ITPK1: variants seen among roughly 807,000 people sequenced by gnomAD.
ITPK1 encodes inositol-tetrakisphosphate 1-kinase, also known as inositol 1,3,4-trisphosphate 5/6-kinase.
In ITPK1, 21 loss-of-function variants were observed where a neutral mutation model predicts 45.3. The observed-to-expected ratio is 0.46, with a 90% CI of 0.33 to 0.67. ITPK1 has a LOEUF of 0.67. Among genes scored for constraint, ITPK1 ranks in the 30% least tolerant of loss-of-function variants. The probability of loss-of-function intolerance (pLI) is 0.02; values close to 1 mark genes in which losing one functional copy is unlikely to be tolerated. For missense variants in ITPK1, 474 were observed against 573.5 expected, an observed-to-expected ratio of 0.83 and a Z score of 1.77; for synonymous variants, 258 against 253.6, an observed-to-expected ratio of 1.02 and a Z score of -0.16.
chr14:93,113,023 G>A (rs971821517), intron 2 of ITPK1, among the ~76,000 whole-genome samples: 3 of 151,986 alleles, frequency 2.0e-5, no homozygotes, highest in Non-Finnish European at 4.4e-5. Flanking sequence ...TAATAAATAA[G>A]AAACGGAAAA....
At position 92,941,160 on chromosome 14, in the gene ITPK1, C is replaced by T. The variant is rs78863877; in HGVS notation, c.*401G>A. On this transcript the variant is annotated 3_prime_UTR_variant, in exon 11 of 11. Transcript: ENST00000267615. ...ATGCACCGATCAGCCTCCCACAGCC[C>T]GACATGGGCAGGCTTCCCCCAAGGG... The T allele has an allele frequency of 2.2e-3, 2,694 of 1,212,256 alleles. 50 individuals are homozygous for T. The African/African-American group carries it at 0.027, about 12-fold the overall frequency. 75.1% of individuals were successfully genotyped at this position (1,212,256 alleles called of 1,614,324 possible). A position where few individuals can be genotyped will look rare whatever the true frequency, so the allele number is the denominator to read the frequency against.
At chr14:92,955,799 G>T (rs557608189) in intron 8 of ITPK1, among the ~76,000 whole-genome samples, 3 of 152,362 alleles carry the variant, frequency 2.0e-5, no homozygotes, top group African/African-American at 7.2e-5. Flanking sequence ...GTGGCCACGG[G>T]AAGTTGGGGG....
At chr14:93,107,062 A>G (rs888761135) in intron 2 of ITPK1, among the ~76,000 whole-genome samples, 1 of 152,070 alleles carries the variant, frequency 6.6e-6, no homozygotes, top group African/African-American at 2.4e-5. Context: ...AGCTCAAGCA[A>G]TTCTCCTGCC....
At position 92,939,733 on chromosome 14, in the gene ITPK1, C is replaced by T. The variant is rs1306409379; in HGVS notation, c.*1828G>A. On this transcript the variant is annotated 3_prime_UTR_variant, in exon 11 of 11. Coordinates refer to ENST00000267615, the MANE Select transcript of ITPK1 (RefSeq NM_014216.6). ...AGCCAGGAGTCACGCTGCACACCCCCACCCGTACCTGAGGCAGACTGGGAT... is the reference window on the plus strand; with the variant it reads ...AGCCAGGAGTCACGCTGCACACCCCTACCCGTACCTGAGGCAGACTGGGAT... 1 of 985,454 alleles carries T rather than the reference C, an allele frequency of 1.0e-6. No individual in the cohort carries two copies. The highest frequency in any genetic ancestry group is 1.2e-6 in the Non-Finnish European group (1 of 829,976). The allele number at this position is 985,454 out of a possible 1,614,324, so 61.0% of individuals were successfully genotyped here.
intron 4 of ITPK1, among the ~76,000 whole-genome samples, chr14:92,998,378 CT>C (rs1202749500): frequency 6.6e-6 from 1 of 152,242 alleles, no homozygotes; most frequent in African/African-American, 2.4e-5. Context: ...GCCCACCCTC[CT>C]GCTGATGCCT....
intron 3 of ITPK1, among the ~76,000 whole-genome samples, chr14:93,042,439 A>G (rs1889596667): frequency 6.6e-6 from 1 of 152,164 alleles, no homozygotes. Context: ...CCCTCCTAAC[A>G]TGCAGCCATT....
At chr14:93,058,073 G>A (rs1890284891) in intron 3 of ITPK1, among the ~76,000 whole-genome samples, 1 of 152,108 alleles carries the variant, frequency 6.6e-6, no homozygotes, top group Non-Finnish European at 1.5e-5. Flanking sequence ...TCCCTAGAGG[G>A]CAGCAGGGGA....
intron 2 of ITPK1, among the ~76,000 whole-genome samples, chr14:93,105,765 G>A (rs1480521927): frequency 2.7e-5 from 4 of 149,592 alleles, no homozygotes; most frequent in Non-Finnish European, 5.9e-5. Context: ...GTACAGTGGC[G>A]CGATCTCGGC....
chr14:92,985,045 T>A (rs1012962951), intron 5 of ITPK1, among the ~76,000 whole-genome samples: 2 of 152,210 alleles, frequency 1.3e-5, no homozygotes, highest in African/African-American at 4.8e-5. Context: ...CACCTCCTGA[T>A]ATGACGCACT....
chr14:93,081,785 G>A (rs1022581526), intron 2 of ITPK1, among the ~76,000 whole-genome samples: 12 of 152,216 alleles, frequency 7.9e-5, no homozygotes, highest in Non-Finnish European at 8.8e-5. Flanking sequence ...CTCAGGGGGC[G>A]GGGGCTGAGA....
intron 5 of ITPK1, among the ~76,000 whole-genome samples, chr14:92,968,002 T>C (rs1436461936): frequency 2.6e-5 from 4 of 152,170 alleles, no homozygotes; most frequent in African/African-American, 7.2e-5. Context: ...TTTGTGAATA[T>C]AATCAAAACT....
intron 3 of ITPK1, among the ~76,000 whole-genome samples, chr14:93,042,883 T>G (rs1432178406): frequency 1.3e-5 from 2 of 151,930 alleles, no homozygotes; most frequent in African/African-American, 4.8e-5. Flanking sequence ...CCAGGCATGG[T>G]GGCGTGCACC....
Position 93,014,402 on chromosome 14 carries a change from G to A in ITPK1, c.246+2274C>T, listed in dbSNP as rs1184723083. ...AAGTGGGCAAGAGGGATAAGAGCTTGGGAGCAGATGTTCCAGAACTCCGGG... is the reference window on the plus strand; with the variant it reads ...AAGTGGGCAAGAGGGATAAGAGCTTAGGAGCAGATGTTCCAGAACTCCGGG... On this transcript the variant is annotated intron_variant, in intron 4 of 10. Transcript: ENST00000267615. This position sits in a 1 kb window ranked among gnomAD's most constrained non-coding sequence, Gnocchi z 4.4. Among the ~76,000 whole-genome samples the A allele has an allele frequency of 6.6e-6, 1 of 152,218 alleles. No individual in the cohort carries two copies. The highest frequency in any genetic ancestry group is 1.5e-5 in the Non-Finnish European group (1 of 68,038).
intron 5 of ITPK1, among the ~76,000 whole-genome samples, chr14:92,985,715 T>C (rs1886456411): frequency 6.6e-6 from 1 of 151,898 alleles, no homozygotes; most frequent in Admixed American, 6.6e-5. Context: ...AAGCCTACCA[T>C]CAGGGCGCCA....
chr14:93,057,787 G>A (rs551163705), intron 3 of ITPK1, among the ~76,000 whole-genome samples: 4 of 152,186 alleles, frequency 2.6e-5, no homozygotes, highest in Non-Finnish European at 5.9e-5. Context: ...GGGGCCACAC[G>A]ACTCAGGGCT....
At chr14:93,101,118 A>G (rs1246368383) in intron 2 of ITPK1, among the ~76,000 whole-genome samples, 1 of 152,032 alleles carries the variant, frequency 6.6e-6, no homozygotes, top group Non-Finnish European at 1.5e-5. Flanking sequence ...GGGTCCACCA[A>G]TCATGGCCCA....
Position 92,941,643 on chromosome 14 carries a change from C to G in ITPK1, c.1163G>C (p.Arg388Thr). 6.5e-7 allele frequency: 1 copy of G among 1,540,684 alleles called. No individual in the cohort carries two copies. The highest frequency in any genetic ancestry group is 8.7e-7 in the Non-Finnish European group (1 of 1,145,130). The change falls in exon 11 of 11, where the codon AGA (arginine) becomes ACA (threonine). Residue 388 changes from arginine to threonine, a missense_variant. Physicochemically the swap from Arg to Thr is moderately conservative, Grantham distance 71. Coordinates refer to ENST00000267615, the MANE Select transcript of ITPK1 (RefSeq NM_014216.6). ...CGACACGCCGGCGTTGCAGCCGAGT[C>G]TCTGGTGCGGCAGCTTGGCGGTGCC... ...AGGTAKLPHQ[R>T]LGCNAGVSPS... is the part of the protein sequence containing the mutation.
At position 93,063,900 on chromosome 14, in the gene ITPK1, CACTT is replaced by C. The variant is rs1890635091; in HGVS notation, c.120+12691_120+12694del. Among the ~76,000 whole-genome samples, 1 of 152,148 alleles carries C rather than the reference CACTT, an allele frequency of 6.6e-6. No individual in the cohort carries two copies. ...AGAAGCCCAGCCCAGACGCCAAACG[CACTT>C]TGGAATTTTTACATGCGCATTCTAG... On this transcript the variant is annotated intron_variant, in intron 3 of 10. Transcript: ENST00000267615. This position sits in a 1 kb window ranked among gnomAD's most constrained non-coding sequence, Gnocchi z 4.3.
intron 5 of ITPK1, among the ~76,000 whole-genome samples, chr14:92,980,558 C>G (rs1366647164): frequency 6.6e-6 from 1 of 152,176 alleles, no homozygotes; most frequent in Non-Finnish European, 1.5e-5. Context: ...GAATGCCCTC[C>G]CTTCTCATCT....
Sources: gnomAD v4.1 joint callset for allele counts (sites outside exome capture counted in the v4.1 genomes callset) on GRCh38, gnomAD v4.1.1 for gene constraint, Gnocchi (gnomAD v3.1) non-coding constraint, MANE v1.5 for transcripts, NCBI Gene and HGNC (gene_info 2026-07-23, HGNC 2026-07-21) for gene names.